Variants in JAML observed in about 807,000 individuals in gnomAD.
The protein encoded by JAML is junctional adhesion molecule-like.
A neutral mutation model predicts 39.3 loss-of-function variants in JAML; 25 were observed. The observed-to-expected ratio is 0.64, with a 90% CI of 0.46 to 0.89. The LOEUF is 0.89. Among genes scored for constraint, JAML ranks in the 40% least tolerant of loss-of-function variants. The probability of loss-of-function intolerance (pLI) is 0.00; values close to 1 mark genes in which losing one functional copy is unlikely to be tolerated. For missense variants in JAML, 440 were observed against 486.9 expected (o/e 0.90, Z 0.91); for synonymous variants, 162 against 179.2 (o/e 0.90, Z 0.77).
chr11:118,212,399 C>T lies in JAML; in HGVS notation c.198+8G>A, dbSNP rs748341666. The stretch of plus-strand genomic sequence containing the variant: ...TTCTATTACATAGTGATGTTTCCCC[C>T]GCGTTACCTTGGCGTGCTCTCCTGG... On this transcript the variant is annotated splice_region_variant and intron_variant, in intron 3 of 9. Coordinates refer to ENST00000356289, the MANE Select transcript of JAML (RefSeq NM_001098526.2). 29 of 1,613,474 alleles carry T rather than the reference C, an allele frequency of 1.8e-5. No homozygotes were observed. Among genetic ancestry groups the T allele is most frequent in the Admixed American group, 1.0e-4 (6 of 60,016 alleles).
chr11:118,208,986 C>T (rs374613711), intron 4 of JAML: 7 of 224,582 alleles, frequency 3.1e-5, no homozygotes, highest in East Asian at 1.1e-4. Context: ...TTATCCCTGT[C>T]GTCCAGAACT....
At chr11:118,194,699 A>T (rs923231364) in intron 9 of JAML, among the ~76,000 whole-genome samples, 1 of 152,194 alleles carries the variant, frequency 6.6e-6, no homozygotes, top group Non-Finnish European at 1.5e-5. Context: ...ACAGCTTGTG[A>T]TCTTAACCTC....
At position 118,203,700 on chromosome 11, in the gene JAML, G is replaced by A. The variant is rs368636491; in HGVS notation, c.535-35C>T. The A allele has an allele frequency of 1.4e-5, 21 of 1,553,266 alleles. No homozygotes were observed. The African/African-American group carries it at 2.7e-4, about 20-fold the overall frequency. The stretch of plus-strand genomic sequence containing the variant: ...AAAGACAAAAAGTATGATATTGTGA[G>A]GACTGGAGTGGAGCGGGGAGCAGAG... On this transcript the variant is annotated intron_variant, in intron 5 of 9. Transcript: ENST00000356289.
intron 1 of JAML, among the ~76,000 whole-genome samples, chr11:118,221,042 GAGAT>G (rs1949205149): frequency 2.0e-5 from 3 of 152,198 alleles, no homozygotes; most frequent in African/African-American, 7.2e-5. Context: ...CCCTGTCATA[GAGAT>G]GCCTCCTCTA....
intron 1 of JAML, among the ~76,000 whole-genome samples, 177 bp from the exon 2 acceptor site, chr11:118,215,063 G>C (rs914475312): frequency 6.6e-6 from 1 of 152,084 alleles, no homozygotes; most frequent in African/African-American, 2.4e-5. Flanking sequence ...GCGGGAGGTG[G>C]AGAAAAAAGA....
chr11:118,209,805 C>T (rs4306318), intron 4 of JAML, among the ~76,000 whole-genome samples: 34,982 of 151,974 alleles, frequency 0.23, 4,627 homozygotes, highest in African/African-American at 0.36. Flanking sequence ...TCCCAAAGTG[C>T]TAGGATTACA....
At chr11:118,198,194 A>G in intron 7 of JAML, 103 bp from the exon 8 acceptor site, 1 of 939,856 alleles carries the variant, frequency 1.1e-6, no homozygotes. Flanking sequence ...GAGACACCAG[A>G]GAAGGAACTA....
chr11:118,199,853 C>T (rs1055207074), intron 7 of JAML, among the ~76,000 whole-genome samples: 1 of 151,862 alleles, frequency 6.6e-6, no homozygotes, highest in Admixed American at 6.6e-5. Flanking sequence ...CATGCCACCA[C>T]GTCCAGCTAA....
chr11:118,206,532 G>A (rs1290781826), intron 4 of JAML, among the ~76,000 whole-genome samples: 2 of 152,110 alleles, frequency 1.3e-5, no homozygotes, highest in Non-Finnish European at 2.9e-5. Context: ...AATGAACCAG[G>A]GGTAACTTTC....
intron 1 of JAML, among the ~76,000 whole-genome samples, chr11:118,215,579 C>T (rs1949128928): frequency 6.6e-6 from 1 of 151,984 alleles, no homozygotes; most frequent in African/African-American, 2.4e-5. Flanking sequence ...AACTCCTGGG[C>T]TCCAGTGATC....
At chr11:118,221,451 C>T (rs1454073683) in intron 1 of JAML, among the ~76,000 whole-genome samples, 1 of 152,196 alleles carries the variant, frequency 6.6e-6, no homozygotes, top group Non-Finnish European at 1.5e-5. Flanking sequence ...CCTCAGATCA[C>T]CAGGAATTAG....
In JAML at chr11:118,210,497, C is replaced by T. The variant is rs1343703111; in HGVS notation, c.414G>A (p.Glu138=). 2 of 1,613,966 alleles carry T rather than the reference C, an allele frequency of 1.2e-6. No individual in the cohort carries two copies. Among genetic ancestry groups the T allele is most frequent in the Non-Finnish European group, 1.7e-6 (2 of 1,179,990 alleles). Residue 138 remains glutamate (E), a synonymous_variant, in exon 4 of 10, where the codon GAG becomes GAA. Coordinates refer to ENST00000356289, the MANE Select transcript of JAML (RefSeq NM_001098526.2). The stretch of plus-strand genomic sequence containing the variant: ...TAAGCATTTGCGTACCTTTGGGCTC[C>T]TCTGGAAGCACATGCAGTACCACCG... The part of the protein sequence containing the change: ...KKAVVLHVLP[E]EPKELMVHVG...
chr11:118,200,603 G>T lies in JAML; in HGVS notation c.782C>A (p.Thr261Asn). 4 of 1,614,120 alleles carry T rather than the reference G, an allele frequency of 2.5e-6. No individual in the cohort carries two copies. The highest frequency in any genetic ancestry group is 3.4e-6 in the Non-Finnish European group (4 of 1,180,002). Residue 261 changes from threonine to asparagine, a missense_variant, in exon 7 of 10, where the codon ACC becomes AAC. By Grantham distance (65) the Thr-to-Asn change is moderately conservative (BLOSUM62 0). Transcript: ENST00000356289. ...GACCAGAGGCCTCAGGGCTGCCGGG[G>T]TCACCAGTGCTTGGGAAAGTAGAAA... Reference protein sequence around the residue: ...VSPEEPRTLVTPAALRPLVLG... With the variant: ...VSPEEPRTLVNPAALRPLVLG...
Position 118,206,019 on chromosome 11 carries a change from G to GA in JAML, c.425-29dup, listed in dbSNP as rs759923633. 1.9e-6 allele frequency: 3 copies of GA among 1,561,194 alleles called. No individual in the cohort carries two copies. The African/African-American group carries it at 4.1e-5, about 21-fold the overall frequency. ...GAGGATAAAACAGTAAATCAAGTCA[G>GA]ACTCAAGTTATAATCTATAGAAGTC... On this transcript the variant is annotated intron_variant, in intron 4 of 9. Coordinates refer to ENST00000356289, the MANE Select transcript of JAML (RefSeq NM_001098526.2).
chr11:118,205,752 A>G (rs1948902217), intron 5 of JAML, 130 bp downstream of exon 5: 2 of 734,166 alleles, frequency 2.7e-6, no homozygotes, highest in Admixed American at 5.1e-5. Flanking sequence ...AATTGCTAGG[A>G]GAAGGTCCAG....
chr11:118,217,225 C>T (rs1300287458), intron 1 of JAML, among the ~76,000 whole-genome samples: 1 of 152,346 alleles, frequency 6.6e-6, no homozygotes, highest in Non-Finnish European at 1.5e-5. Flanking sequence ...GATAAATGCT[C>T]ATAGCTGACA....
Position 118,200,484 on chromosome 11 carries a change from C to T in JAML, c.901G>A (p.Gly301Arg). The T allele has an allele frequency of 6.2e-7, 1 of 1,614,040 alleles. No homozygotes were observed. Among genetic ancestry groups the T allele is most frequent in the Non-Finnish European group, 8.5e-7 (1 of 1,179,982 alleles). ...VLILIVKKTC[G>R]NKSSVNSTVL... ...GGGGTAGCCCTGTACCTCTTATTTC[C>T]ACAGGTCTTCTTCACGATCAATATC... is the stretch of plus-strand genomic sequence containing the variant. The change falls in exon 7 of 10, where the codon GGA becomes AGA. Residue 301 changes from glycine (G) to arginine (R), a missense_variant. Physicochemically the swap from Gly to Arg is moderately radical, Grantham distance 125. Coordinates refer to ENST00000356289, the MANE Select transcript of JAML (RefSeq NM_001098526.2).
At chr11:118,197,788 A>C in intron 8 of JAML, 1 of 536,206 alleles carries the variant, frequency 1.9e-6, no homozygotes, top group Non-Finnish European at 3.3e-6. Flanking sequence ...CAATACCAGG[A>C]TCTGCTGCCT....
In JAML at chr11:118,210,588, T is replaced by A; in HGVS notation, c.323A>T (p.Glu108Val). The A allele has an allele frequency of 6.2e-7, 1 of 1,614,230 alleles. No individual in the cohort carries two copies. Among genetic ancestry groups the A allele is most frequent in the African/African-American group, 1.3e-5 (1 of 75,060 alleles). The change falls in exon 4 of 10, where the codon GAG becomes GTG. Residue 108 changes from glutamate (E) to valine (V), a missense_variant. By Grantham distance (121) the Glu-to-Val change is moderately radical. Transcript: ENST00000356289. ...ACAGATATAGGTTCCCTGGTCAGCC[T>A]CTTGCACATCTTGGAGCAGGAGAGA... ...DGSLLLQDVQ[E>V]ADQGTYICEI...
Sources: allele counts gnomAD v4.1 joint callset (sites outside exome capture counted in the v4.1 genomes callset), GRCh38; gene constraint gnomAD v4.1.1; transcripts MANE v1.5; gene names NCBI Gene and HGNC (gene_info 2026-07-23, HGNC 2026-07-21).